The following SYNE3 variants were observed in gnomAD, a reference collection of about 807,000 sequenced individuals.
SYNE3 encodes the protein spectrin repeat containing nuclear envelope family member 3, also known as nesprin-3.
In SYNE3, 100 loss-of-function variants were observed where a neutral mutation model predicts 111.2. The observed-to-expected ratio is 0.90, with a 90% CI of 0.77 to 1.06. The LOEUF (loss-of-function observed/expected upper bound fraction) is 1.06. Among genes scored for constraint, SYNE3 ranks in the 50% least tolerant of loss-of-function variants. SYNE3 has a pLI of 0.00. For missense variants in SYNE3, 1,160 were observed against 1,240.3 expected, an observed-to-expected ratio of 0.94 and a Z score of 0.97; for synonymous variants, 547 against 533.9, an observed-to-expected ratio of 1.02 and a Z score of -0.34.
chr14:95,505,508 C>T (rs890077871), intron 1 of SYNE3, among the ~76,000 whole-genome samples: 17 of 152,156 alleles, frequency 1.1e-4, no homozygotes, highest in Admixed American at 3.3e-4. Context: ...CATCTAGTTC[C>T]GCTTCTTCAC....
chr14:95,505,198 C>T (rs931647562), intron 1 of SYNE3, among the ~76,000 whole-genome samples: 18 of 152,356 alleles, frequency 1.2e-4, no homozygotes, highest in Non-Finnish European at 2.1e-4. Flanking sequence ...TGAGTTTACG[C>T]GGCAGCGCTG....
Position 95,433,772 on chromosome 14 carries a change from T to G in SYNE3, c.2539-363A>C, listed in dbSNP as rs192084374. On this transcript the variant is annotated intron_variant, in intron 15 of 17. Coordinates refer to ENST00000682763, the MANE Select transcript of SYNE3 (RefSeq NM_152592.6). ...TGTTAGCATTTTGAGCCTGGCAGAA[T>G]GGTGTTTTAATGTGCAGATTTTTCT... Among the ~76,000 whole-genome samples, 184 of 152,330 alleles carry G rather than the reference T, an allele frequency of 1.2e-3. 1 individual carries two copies. Among genetic ancestry groups the G allele is most frequent in the African/African-American group, 4.3e-3 (180 of 41,572 alleles).
At chr14:95,433,443 C>T in intron 15 of SYNE3, 34 bp from the exon 16 acceptor site, 2 of 1,610,462 alleles carry the variant, frequency 1.2e-6, no homozygotes, top group Non-Finnish European at 1.7e-6. Flanking sequence ...GTGCGGCTTC[C>T]AAATGGCCCA....
At chr14:95,452,127 G>T in intron 7 of SYNE3, 120 bp downstream of exon 7, 1 of 1,242,822 alleles carries the variant, frequency 8.0e-7, no homozygotes, top group Non-Finnish European at 1.1e-6. Context: ...TCATTGAGAG[G>T]TACAAAGAAT....
chr14:95,416,482 G>A lies in SYNE3; in HGVS notation c.*1344C>T, dbSNP rs1383739106. On this transcript the variant is annotated 3_prime_UTR_variant, in exon 18 of 18. Transcript: ENST00000682763. ...GTTGATTTAGGAAAAACATGATCCA[G>A]TTGTAGAGCACTTAGGAACCATCCC... is the stretch of plus-strand genomic sequence containing the variant. 6.6e-6 allele frequency: 1 copy of A among 152,252 alleles called. No homozygotes were observed. The highest frequency in any genetic ancestry group is 1.5e-5 in the Non-Finnish European group (1 of 68,054). 9.4% of individuals were successfully genotyped at this position (152,252 alleles called of 1,614,324 possible).
rs1903601118 is a variant in SYNE3 at position 95,416,984 on chromosome 14, C to T, written c.*842G>A. On this transcript the variant is annotated 3_prime_UTR_variant, in exon 18 of 18. Transcript: ENST00000682763. ...ATCAAGCTTGTCTTCTTCCCTTTCT[C>T]CCTGAATGAAACACACAGAGCAGGA... 6.6e-6 allele frequency: 1 copy of T among 152,270 alleles called. No individual in the cohort carries two copies. Among genetic ancestry groups the T allele is most frequent in the Admixed American group, 6.5e-5 (1 of 15,282 alleles). The allele number at this position is 152,270 out of a possible 1,614,324, so 9.4% of individuals were successfully genotyped here.
chr14:95,516,441 CGCCGG>C (rs1890936083), intron 1 of SYNE3, among the ~76,000 whole-genome samples, 150 bp downstream of exon 1: 1 of 152,076 alleles, frequency 6.6e-6, no homozygotes, highest in African/African-American at 2.4e-5. Flanking sequence ...CCCGCCCCCG[CGCCGG>C]GCGCGCCTCC....
At chr14:95,514,458 G>A (rs1890839234) in intron 1 of SYNE3, among the ~76,000 whole-genome samples, 1 of 152,222 alleles carries the variant, frequency 6.6e-6, no homozygotes, top group African/African-American at 2.4e-5. Flanking sequence ...GAGGGGCAGA[G>A]GCAGAGCAGA....
At chr14:95,495,997 G>A (rs957876493) in intron 1 of SYNE3, among the ~76,000 whole-genome samples, 6 of 152,150 alleles carry the variant, frequency 3.9e-5, no homozygotes, top group South Asian at 2.1e-4. Context: ...ACAGGGCAGC[G>A]GCTCCAAAAC....
chr14:95,477,815 T>C (rs12586386), intron 1 of SYNE3, among the ~76,000 whole-genome samples: 78,917 of 152,116 alleles, frequency 0.52, 20,616 homozygotes, highest in South Asian at 0.62. Context: ...ACTTGAAAAG[T>C]GCATTGGATG....
Position 95,436,948 on chromosome 14 carries a change from C to T in SYNE3, c.2410G>A (p.Glu804Lys), listed in dbSNP as rs1225363469. The change falls in exon 15 of 18, where the codon GAA (glutamate) becomes AAA (lysine). Residue 804 changes from glutamate (E) to lysine (K), a missense_variant. Glu to Lys is a moderately conservative substitution (Grantham distance 56). Coordinates refer to ENST00000682763, the MANE Select transcript of SYNE3 (RefSeq NM_152592.6). ...TTCCTCAGGAGCTGGGAGAAATCTTCATGGCTCCCTTCTTCTTCCTGTAGA... is the reference window on the plus strand; with the variant it reads ...TTCCTCAGGAGCTGGGAGAAATCTTTATGGCTCCCTTCTTCTTCCTGTAGA... Reference protein sequence around the residue: ...NLLQEEEGSHEDFSQLLRNFG... With the variant: ...NLLQEEEGSHKDFSQLLRNFG... The T allele has an allele frequency of 3.7e-6, 6 of 1,613,056 alleles. No homozygotes were observed. The highest frequency in any genetic ancestry group is 1.1e-5 in the South Asian group (1 of 90,934).
chr14:95,440,791 G>T (rs1886374239), intron 11 of SYNE3, among the ~76,000 whole-genome samples: 2 of 152,328 alleles, frequency 1.3e-5, no homozygotes, highest in Non-Finnish European at 1.5e-5. Flanking sequence ...TGGTGAGCTG[G>T]GCATGACCGC....
chr14:95,490,321 A>T (rs1193046954), intron 1 of SYNE3, among the ~76,000 whole-genome samples: 2 of 152,244 alleles, frequency 1.3e-5, no homozygotes, highest in Non-Finnish European at 2.9e-5. Flanking sequence ...AGCAGTCTGG[A>T]GTAAATGCTA....
intron 6 of SYNE3, among the ~76,000 whole-genome samples, chr14:95,453,557 G>C (rs889940465): frequency 1.3e-5 from 2 of 152,236 alleles, no homozygotes; most frequent in Non-Finnish European, 2.9e-5. Flanking sequence ...TATTCAATTA[G>C]TTAGCAAACA....
At chr14:95,505,337 C>T (rs1242240066) in intron 1 of SYNE3, among the ~76,000 whole-genome samples, 1 of 152,222 alleles carries the variant, frequency 6.6e-6, no homozygotes, top group African/African-American at 2.4e-5. Flanking sequence ...CCCTGGAGAG[C>T]TCTGAGTAAA....
Position 95,410,219 on chromosome 14 carries a change from ACT to A in SYNE3, c.*7605_*7606del, listed in dbSNP as rs1712755710. 2 of 152,238 alleles carry A rather than the reference ACT, an allele frequency of 1.3e-5. No individual in the cohort carries two copies. The highest frequency in any genetic ancestry group is 4.1e-4 in the South Asian group (2 of 4,830). The allele number at this position is 152,238 out of a possible 1,614,324, so 9.4% of individuals were successfully genotyped here. A position where few individuals can be genotyped will look rare whatever the true frequency, so the allele number is the denominator to read the frequency against. ...AGGTGGCAGGCCGTGGTGGCAGGTC[ACT>A]CTCACACTGCAAGGATGATGCCTTC... On this transcript the variant is annotated 3_prime_UTR_variant, in exon 18 of 18. Coordinates refer to ENST00000682763, the MANE Select transcript of SYNE3 (RefSeq NM_152592.6).
intron 10 of SYNE3, chr14:95,444,267 T>A: frequency 1.9e-6 from 1 of 533,854 alleles, no homozygotes; most frequent in Non-Finnish European, 3.1e-6. Context: ...AGACAGTTTG[T>A]CATTTTGCTG....
intron 4 of SYNE3, among the ~76,000 whole-genome samples, chr14:95,463,898 G>A (rs147044494): frequency 3.9e-5 from 6 of 152,348 alleles, no homozygotes; most frequent in East Asian, 1.9e-4. Flanking sequence ...AGTAGAAGTC[G>A]TTCTTTATAT....
At chr14:95,437,953 G>A (rs1329880614) in intron 14 of SYNE3, 1 of 152,252 alleles carries the variant, frequency 6.6e-6, no homozygotes, top group African/African-American at 2.4e-5. Flanking sequence ...ACAGAGGTGA[G>A]TATCTCCCGG....
Sources: allele counts gnomAD v4.1 joint callset (sites outside exome capture counted in the v4.1 genomes callset), GRCh38; gene constraint gnomAD v4.1.1; transcripts MANE v1.5; gene names NCBI Gene and HGNC (gene_info 2026-07-23, HGNC 2026-07-21).